Variants in CFAP47 observed in about 807,000 individuals in gnomAD.
CFAP47 encodes the protein cilia and flagella associated protein 47.
Under a neutral mutation model 148.1 loss-of-function variants are expected in CFAP47, and 29 were observed. The ratio of observed to expected loss-of-function variants is 0.20; its 90% CI spans 0.15 to 0.27. The LOEUF (loss-of-function observed/expected upper bound fraction) is 0.27. Among genes scored for constraint, CFAP47 ranks in the 10% least tolerant of loss-of-function variants. CFAP47 has a pLI of 1.00. For missense variants in CFAP47, 1,872 were observed against 1,697.5 expected, an observed-to-expected ratio of 1.10 and a Z score of -1.81; for synonymous variants, 664 against 577.3, an observed-to-expected ratio of 1.15 and a Z score of -2.15.
chrX:36,257,753 T>C (rs1239679539), intron 49 of CFAP47, among the ~76,000 whole-genome samples: 1 of 112,033 alleles, frequency 8.9e-6, no homozygotes, highest in Non-Finnish European at 1.9e-5. Context: ...GTATGTACTT[T>C]GTGCACTTAC....
chrX:36,032,485 T>C (rs1173147708), intron 23 of CFAP47, among the ~76,000 whole-genome samples: 1 of 111,068 alleles, frequency 9.0e-6, no homozygotes, highest in Non-Finnish European at 1.9e-5. Context: ...AGTGGGTAAT[T>C]AAAGGATATT....
chrX:36,366,080 TTTG>T (rs1167275529), intron 61 of CFAP47, among the ~76,000 whole-genome samples: 42 of 111,586 alleles, frequency 3.8e-4, no homozygotes, highest in African/African-American at 1.3e-3. Flanking sequence ...TTTACACAAA[TTTG>T]TTAAGATACT....
At chrX:36,375,076 G>A in intron 62 of CFAP47, 1 of 409,981 alleles carries the variant, frequency 2.4e-6, no homozygotes, top group Non-Finnish European at 4.5e-6. Flanking sequence ...ACACTGAGAA[G>A]CTGGATGATG....
intron 45 of CFAP47, among the ~76,000 whole-genome samples, chrX:36,216,338 C>G (rs1940158789): frequency 8.9e-6 from 1 of 111,783 alleles, no homozygotes; most frequent in African/African-American, 3.3e-5. Context: ...TTGACATGTT[C>G]CATCCCAGGT....
In CFAP47 at chrX:36,155,496, G is replaced by A. The variant is rs367786040; in HGVS notation, c.5787-3930G>A. The stretch of plus-strand genomic sequence containing the variant: ...GTCTGAACCCCATCTTGCCCTTTAT[G>A]TGGTGGTGGTTTCCTCTAACCAGCT... On this transcript the variant is annotated intron_variant, in intron 37 of 63. Coordinates refer to ENST00000378653, the MANE Select transcript of CFAP47 (RefSeq NM_001304548.2). Among the ~76,000 whole-genome samples the A allele has an allele frequency of 3.0e-4, 33 of 111,487 alleles. No individual in the cohort carries two copies. In the South Asian group the frequency reaches 6.4e-3, roughly 22 times the overall value.
At chrX:35,944,372 C>T (rs191316537) in intron 3 of CFAP47, among the ~76,000 whole-genome samples, 56 of 111,113 alleles carry the variant, frequency 5.0e-4, no homozygotes, top group Non-Finnish European at 8.5e-4. Context: ...TTGACATAAT[C>T]ATAATTTATT....
At chrX:36,203,253 T>C (rs1352991886) in intron 44 of CFAP47, among the ~76,000 whole-genome samples, 1 of 111,945 alleles carries the variant, frequency 8.9e-6, no homozygotes, top group African/African-American at 3.2e-5. Context: ...TTTCAGAAGG[T>C]TTATGTTCAA....
chrX:35,925,165 G>A (rs957016452), intron 1 of CFAP47, among the ~76,000 whole-genome samples: 2 of 111,348 alleles, frequency 1.8e-5, no homozygotes, highest in African/African-American at 6.5e-5. Context: ...GAGGTCAGGA[G>A]ATCGAGACCA....
chrX:35,923,906 CAT>C (rs1935627396), intron 1 of CFAP47, among the ~76,000 whole-genome samples: 1 of 60,248 alleles, frequency 1.7e-5, no homozygotes, highest in African/African-American at 1.6e-4. Context: ...TATATATGTA[CAT>C]GTGTATATAT....
chrX:35,972,844 C>A (rs149850020), intron 13 of CFAP47, among the ~76,000 whole-genome samples: 2,748 of 110,688 alleles, frequency 0.025, 83 homozygotes, highest in African/African-American at 0.085. Flanking sequence ...ACATAAAATT[C>A]TCTGATTTCT....
intron 7 of CFAP47, among the ~76,000 whole-genome samples, chrX:35,954,929 G>C (rs1423689042): frequency 1.8e-5 from 2 of 112,097 alleles, no homozygotes; most frequent in African/African-American, 6.5e-5. Context: ...GATTGTGTTG[G>C]AGAAAAACAT....
chrX:36,156,431 T>A (rs1939367158), intron 37 of CFAP47, among the ~76,000 whole-genome samples: 1 of 111,247 alleles, frequency 9.0e-6, no homozygotes, highest in Non-Finnish European at 1.9e-5. Flanking sequence ...CATCTAACTT[T>A]ATGACTACAT....
chrX:36,245,982 G>A (rs1216336475), intron 48 of CFAP47, among the ~76,000 whole-genome samples: 1 of 111,332 alleles, frequency 9.0e-6, no homozygotes, highest in Non-Finnish European at 1.9e-5. Context: ...TTATTAGCTT[G>A]AGCACCTTTC....
chrX:36,331,886 C>A (rs1941568031), intron 57 of CFAP47, among the ~76,000 whole-genome samples: 1 of 111,800 alleles, frequency 8.9e-6, no homozygotes, highest in African/African-American at 3.2e-5. Context: ...TGGGTCATAT[C>A]AACATGTTGT....
intron 35 of CFAP47, among the ~76,000 whole-genome samples, chrX:36,143,412 G>A (rs1206551438): frequency 6.3e-5 from 7 of 111,786 alleles, no homozygotes; most frequent in African/African-American, 2.3e-4. Context: ...AGCACATTGG[G>A]TCTCCTTGGC....
At chrX:36,227,008 C>A (rs907227514) in intron 45 of CFAP47, among the ~76,000 whole-genome samples, 5 of 110,678 alleles carry the variant, frequency 4.5e-5, no homozygotes, top group African/African-American at 1.3e-4. Flanking sequence ...TCATTCTCTT[C>A]ATCCAAGAAA....
chrX:36,375,127 T>C, intron 62 of CFAP47: 2 of 348,957 alleles, frequency 5.7e-6, no homozygotes, highest in South Asian at 6.2e-5. Flanking sequence ...CGTTTGCCTC[T>C]CTTTTCTGCA....
chrX:36,029,832 TACTTG>T (rs749069882), intron 22 of CFAP47, among the ~76,000 whole-genome samples: 7 of 110,827 alleles, frequency 6.3e-5, no homozygotes, highest in Non-Finnish European at 1.3e-4. Flanking sequence ...ATATTTTTCT[TACTTG>T]ACTTTTCTAA....
Position 36,286,005 on chromosome X carries a change from A to G in CFAP47, c.7686+279A>G, listed in dbSNP as rs180839950. Reference sequence around the variant, plus strand: ...TAGAGCAAACTTAACCTTAGTCTACATGTTTGTTCACACATAGATGATAAA... The same window carrying G: ...TAGAGCAAACTTAACCTTAGTCTACGTGTTTGTTCACACATAGATGATAAA... On this transcript the variant is annotated intron_variant, in intron 51 of 63. Coordinates refer to ENST00000378653, the MANE Select transcript of CFAP47 (RefSeq NM_001304548.2). Among the ~76,000 whole-genome samples the G allele has an allele frequency of 1.4e-4, 16 of 111,507 alleles. 1 individual carries two copies. Among genetic ancestry groups the G allele is most frequent in the Admixed American group, 1.4e-3 (15 of 10,478 alleles).
Sources: gnomAD v4.1 joint callset for allele counts (sites outside exome capture counted in the v4.1 genomes callset) on GRCh38, gnomAD v4.1.1 for gene constraint, MANE v1.5 for transcripts, NCBI Gene and HGNC (gene_info 2026-07-23, HGNC 2026-07-21) for gene names.